LRRTM4: variants seen among roughly 807,000 people sequenced by gnomAD.
LRRTM4 encodes leucine-rich repeat transmembrane neuronal protein 4.
Under a neutral mutation model 47.6 loss-of-function variants are expected in LRRTM4, and 25 were observed. The ratio of observed to expected loss-of-function variants is 0.53; its 90% CI spans 0.38 to 0.73. The LOEUF (loss-of-function observed/expected upper bound fraction) is 0.73, where lower values mean the gene tolerates loss of function less well. Ranked by LOEUF, LRRTM4 falls within the 30% of genes least tolerant of loss-of-function variation. LRRTM4 has a pLI of 0.00. For missense variants in LRRTM4, 638 were observed against 713.4 expected (o/e 0.89, Z 1.20); for synonymous variants, 311 against 269.5 (o/e 1.15, Z -1.51).
At position 76,948,962 on chromosome 2, in the gene LRRTM4, TAGTG is replaced by T. The variant is rs1363738987; in HGVS notation, c.1552-200050_1552-200047del. On this transcript the variant is annotated intron_variant, in intron 3 of 3. Coordinates refer to ENST00000409884, the MANE Select transcript of LRRTM4 (RefSeq NM_001134745.3). ...AGCTATATGTGTGATTTGGATCCTA[TAGTG>T]AGTATGTCTTTACAAAAGCCATATT... Among the ~76,000 whole-genome samples, 11 of 152,022 alleles carry T rather than the reference TAGTG, an allele frequency of 7.2e-5. No homozygotes were observed. The East Asian group carries it at 1.7e-3, about 24-fold the overall frequency.
chr2:77,407,693 T>TC (rs1362799676), intron 3 of LRRTM4, among the ~76,000 whole-genome samples: 2 of 135,666 alleles, frequency 1.5e-5, no homozygotes, highest in East Asian at 2.0e-4. Context: ...TAATATAATA[T>TC]ATGATATATA....
At chr2:77,503,044 GT>G (rs796437888) in intron 3 of LRRTM4, among the ~76,000 whole-genome samples, 198 of 142,274 alleles carry the variant, frequency 1.4e-3, no homozygotes, top group African/African-American at 1.6e-3. Context: ...GTCATTCAGG[GT>G]TTTTTTTTTT....
intron 3 of LRRTM4, among the ~76,000 whole-genome samples, chr2:76,917,467 C>T (rs1480202962): frequency 5.9e-5 from 9 of 152,164 alleles, no homozygotes; most frequent in African/African-American, 2.2e-4. Flanking sequence ...CTCAGAATCA[C>T]ACCAAACTGT....
At chr2:76,903,260 G>T (rs756044623) in intron 3 of LRRTM4, among the ~76,000 whole-genome samples, 1 of 152,098 alleles carries the variant, frequency 6.6e-6, no homozygotes, top group Non-Finnish European at 1.5e-5. Context: ...ACATTAGCTG[G>T]GTGTGGTGGA....
intron 3 of LRRTM4, among the ~76,000 whole-genome samples, chr2:77,022,136 C>T (rs1453190095): frequency 6.6e-6 from 1 of 152,108 alleles, no homozygotes; most frequent in East Asian, 1.9e-4. Context: ...GTACTTCTTA[C>T]ATGGTGGCGG....
chr2:76,865,655 T>A (rs1415447358), intron 3 of LRRTM4, among the ~76,000 whole-genome samples: 3 of 152,284 alleles, frequency 2.0e-5, no homozygotes, highest in African/African-American at 7.2e-5. Flanking sequence ...AATGATATTT[T>A]AGAATAAAAG....
At chr2:76,796,265 TGATTAGGTAAACAAA>T (rs754414452) in intron 3 of LRRTM4, among the ~76,000 whole-genome samples, 28,363 of 119,486 alleles carry the variant, frequency 0.24, 5,327 homozygotes, top group East Asian at 0.5. Flanking sequence ...TGAACAGGCT[TGATTAGGTAAACAAA>T]GCAGCCAGGA....
At chr2:77,223,521 C>G (rs1444145952) in intron 3 of LRRTM4, among the ~76,000 whole-genome samples, 1 of 152,134 alleles carries the variant, frequency 6.6e-6, no homozygotes, top group Non-Finnish European at 1.5e-5. Context: ...TCTCAGGATA[C>G]AAAATCAATG....
intron 3 of LRRTM4, among the ~76,000 whole-genome samples, chr2:76,856,946 G>T (rs1055936926): frequency 6.6e-6 from 1 of 151,388 alleles, no homozygotes; most frequent in Non-Finnish European, 1.5e-5. Context: ...AAAAATAAAA[G>T]AAAAATTTAC....
intron 3 of LRRTM4, among the ~76,000 whole-genome samples, chr2:76,825,554 T>C (rs1671168705): frequency 1.3e-5 from 2 of 151,648 alleles, no homozygotes; most frequent in Non-Finnish European, 3.0e-5. Context: ...CTGGGGGTGA[T>C]AGCTATGGAA....
rs70939837 is a variant in LRRTM4 at position 76,979,541 on chromosome 2, G to GTATA, written c.1552-230629_1552-230626dup. On this transcript the variant is annotated intron_variant, in intron 3 of 3. Coordinates refer to ENST00000409884, the MANE Select transcript of LRRTM4 (RefSeq NM_001134745.3). ...ATTCAGACTGCAAAACTGAATTTCT[G>GTATA]TATATATATATGCTCTTCCTCTATA... 9.5e-4 allele frequency among the ~76,000 whole-genome samples: 120 copies of GTATA among 126,950 alleles called. 7 individuals are homozygous for GTATA. In the East Asian group the frequency reaches 0.019, roughly 20 times the overall value. 83.3% of individuals were successfully genotyped at this position (126,950 alleles called of 152,430 possible). A position where few individuals can be genotyped will look rare whatever the true frequency, so the allele number is the denominator to read the frequency against.
chr2:77,135,848 T>C (rs776925714), intron 3 of LRRTM4, among the ~76,000 whole-genome samples: 64 of 152,274 alleles, frequency 4.2e-4, no homozygotes, highest in Non-Finnish European at 6.9e-4. Flanking sequence ...AAGAAGAATG[T>C]AATAAGTAAA....
At chr2:77,270,275 T>A (rs1363135180) in intron 3 of LRRTM4, among the ~76,000 whole-genome samples, 1 of 152,104 alleles carries the variant, frequency 6.6e-6, no homozygotes, top group Admixed American at 6.5e-5. Context: ...AATGAAAAGG[T>A]AATAGGTCTT....
intron 3 of LRRTM4, among the ~76,000 whole-genome samples, chr2:77,178,712 T>A (rs2103851619): frequency 6.6e-6 from 1 of 152,348 alleles, no homozygotes; most frequent in East Asian, 1.9e-4. Flanking sequence ...GTATTATCAA[T>A]CAATTGTTCC....
intron 3 of LRRTM4, among the ~76,000 whole-genome samples, chr2:77,514,319 C>T (rs1679131149): frequency 6.6e-6 from 1 of 152,124 alleles, no homozygotes; most frequent in African/African-American, 2.4e-5. Flanking sequence ...TGGAAATTCA[C>T]TTAGCACACT....
rs529408318 is a variant in LRRTM4 at position 76,795,956 on chromosome 2, G to A, written c.1552-47040C>T. 2.4e-3 allele frequency among the ~76,000 whole-genome samples: 357 copies of A among 150,810 alleles called. 1 individual carries two copies. The highest frequency in any genetic ancestry group is 7.7e-3 in the African/African-American group (314 of 40,948). On this transcript the variant is annotated intron_variant, in intron 3 of 3. Coordinates refer to ENST00000409884, the MANE Select transcript of LRRTM4 (RefSeq NM_001134745.3). ...ACAGTGGGCGCAGGTCAGTGGGTGC[G>A]CGCACCATGTGCGAGCCGAAGCAGG...
intron 3 of LRRTM4, among the ~76,000 whole-genome samples, chr2:76,918,724 G>T (rs1345855924): frequency 6.6e-6 from 1 of 151,974 alleles, no homozygotes. Flanking sequence ...AGCTAAAACT[G>T]CCACATTCTC....
chr2:77,347,147 G>A (rs1433152655), intron 3 of LRRTM4, among the ~76,000 whole-genome samples: 2 of 152,094 alleles, frequency 1.3e-5, no homozygotes, highest in East Asian at 1.9e-4. Flanking sequence ...ACAAAAGACC[G>A]TAACTCCTAT....
At chr2:77,184,737 T>C (rs1573050488) in intron 3 of LRRTM4, among the ~76,000 whole-genome samples, 1 of 152,272 alleles carries the variant, frequency 6.6e-6, no homozygotes, top group East Asian at 1.9e-4. Context: ...GTTAAATTTG[T>C]ATCTCTTTAT....
Sources: allele counts gnomAD v4.1 joint callset (sites outside exome capture counted in the v4.1 genomes callset), GRCh38; gene constraint gnomAD v4.1.1; transcripts MANE v1.5; gene names NCBI Gene and HGNC (gene_info 2026-07-23, HGNC 2026-07-21).